ZNF341: variants seen among roughly 807,000 people sequenced by gnomAD.
The protein encoded by ZNF341 is zinc finger protein 341.
Under a neutral mutation model 87.7 loss-of-function variants are expected in ZNF341, and 52 were observed. The ratio of observed to expected loss-of-function variants is 0.59; its 90% CI spans 0.47 to 0.75. The LOEUF (loss-of-function observed/expected upper bound fraction) is 0.75. Ranked by LOEUF, ZNF341 falls within the 30% of genes least tolerant of loss-of-function variation. The pLI is 0.00. For missense variants in ZNF341, 977 were observed against 1,145.9 expected, an observed-to-expected ratio of 0.85 and a Z score of 2.13; for synonymous variants, 459 against 472.7, an observed-to-expected ratio of 0.97 and a Z score of 0.38.
At chr20:33,738,638 G>A (rs2018742244) in intron 1 of ZNF341, among the ~76,000 whole-genome samples, 2 of 152,328 alleles carry the variant, frequency 1.3e-5, no homozygotes, top group African/African-American at 4.8e-5. Context: ...ATAGTGGAGG[G>A]CTTAAGTCCC....
intron 1 of ZNF341, among the ~76,000 whole-genome samples, chr20:33,736,559 G>A (rs2018689166): frequency 6.6e-6 from 1 of 151,964 alleles, no homozygotes; most frequent in Non-Finnish European, 1.5e-5. Flanking sequence ...GCATGATCTT[G>A]GCTCACTGCA....
chr20:33,740,793 C>T, intron 1 of ZNF341, 109 bp from the exon 2 acceptor site: 1 of 910,690 alleles, frequency 1.1e-6, no homozygotes. Context: ...CAGGTCTGAG[C>T]CACCGTACCC....
At chr20:33,751,473 A>G (rs2019053862) in intron 4 of ZNF341, among the ~76,000 whole-genome samples, 1 of 152,120 alleles carries the variant, frequency 6.6e-6, no homozygotes, top group Non-Finnish European at 1.5e-5. Flanking sequence ...TGCACAAAAC[A>G]CACTTCTTCC....
At chr20:33,767,082 C>T (rs371086701) in intron 9 of ZNF341, 41 bp downstream of exon 9, 57 of 1,578,892 alleles carry the variant, frequency 3.6e-5, no homozygotes, top group South Asian at 2.2e-4. Flanking sequence ...CCACACCAGT[C>T]GAAACCTTTC....
At chr20:33,758,211 G>A (rs1327108346) in intron 6 of ZNF341, among the ~76,000 whole-genome samples, 7 of 152,178 alleles carry the variant, frequency 4.6e-5, no homozygotes, top group Admixed American at 3.9e-4. Flanking sequence ...TCTTATGATT[G>A]AGAATAACTA....
chr20:33,737,911 G>T (rs2018725204), intron 1 of ZNF341, among the ~76,000 whole-genome samples: 1 of 152,072 alleles, frequency 6.6e-6, no homozygotes, highest in Admixed American at 6.6e-5. Flanking sequence ...GTCAAGGCGG[G>T]CAGATCACCT....
intron 12 of ZNF341, among the ~76,000 whole-genome samples, chr20:33,785,294 T>C (rs1417229695): frequency 6.6e-6 from 1 of 152,190 alleles, no homozygotes; most frequent in African/African-American, 2.4e-5. Context: ...CAACAAAAGT[T>C]TTACAAAACA....
At chr20:33,764,414 A>G (rs1484318515) in intron 8 of ZNF341, among the ~76,000 whole-genome samples, 1 of 150,490 alleles carries the variant, frequency 6.6e-6, no homozygotes, top group East Asian at 1.9e-4. Context: ...TAGTAGCTAC[A>G]TTAAAAGCAA....
At chr20:33,786,993 A>G (rs1203060105) in intron 12 of ZNF341, 1 of 151,778 alleles carries the variant, frequency 6.6e-6, no homozygotes, top group Non-Finnish European at 1.5e-5. Context: ...AATACAAAAA[A>G]CGAAACAAAA....
At position 33,766,535 on chromosome 20, in the gene ZNF341, G is replaced by T. The variant is rs139419589; in HGVS notation, c.1223-316G>T. Among the ~76,000 whole-genome samples the T allele has an allele frequency of 2.7e-3, 418 of 152,282 alleles. 2 individuals carry two copies. Among genetic ancestry groups the T allele is most frequent in the African/African-American group, 9.7e-3 (403 of 41,576 alleles). ...GAAGAGGGGACTGGGGAGGCATTAG[G>T]AGTACAACTAGGATGGTGTTTAGAA... is the stretch of plus-strand genomic sequence containing the variant. On this transcript the variant is annotated intron_variant, in intron 8 of 14. Coordinates refer to ENST00000375200, the MANE Select transcript of ZNF341 (RefSeq NM_001282933.2).
chr20:33,769,198 T>G (rs1050892601), intron 9 of ZNF341, among the ~76,000 whole-genome samples: 6 of 152,118 alleles, frequency 3.9e-5, no homozygotes, highest in Non-Finnish European at 8.8e-5. Flanking sequence ...AGTAGCCACA[T>G]CCTGTAGAGA....
Position 33,750,930 on chromosome 20 carries a change from C to T in ZNF341, c.489+1858C>T, listed in dbSNP as rs376153185. 6.6e-5 allele frequency among the ~76,000 whole-genome samples: 10 copies of T among 151,886 alleles called. No homozygotes were observed. The East Asian group carries it at 9.7e-4, about 15-fold the overall frequency. ...TCCTGGGATTACAGGCGTGAGCCACCGTGCCTGGCCTAAAAAAATTTTTTT... is the reference window on the plus strand; with the variant it reads ...TCCTGGGATTACAGGCGTGAGCCACTGTGCCTGGCCTAAAAAAATTTTTTT... On this transcript the variant is annotated intron_variant, in intron 4 of 14. Coordinates refer to ENST00000375200, the MANE Select transcript of ZNF341 (RefSeq NM_001282933.2).
chr20:33,770,381 A>G (rs1384970833), intron 10 of ZNF341, 89 bp downstream of exon 10: 3 of 1,274,014 alleles, frequency 2.4e-6, no homozygotes, highest in Non-Finnish European at 3.3e-6. Context: ...CTGACTGCTT[A>G]GGACCAGTGA....
At chr20:33,776,949 C>T (rs2019639079) in intron 10 of ZNF341, among the ~76,000 whole-genome samples, 1 of 151,962 alleles carries the variant, frequency 6.6e-6, no homozygotes, top group East Asian at 1.9e-4. Context: ...CGTAAGCCAT[C>T]ACACCTGGCC....
chr20:33,770,270 A>G lies in ZNF341; in HGVS notation c.1600A>G (p.Lys534Glu), dbSNP rs2122705639. ...SHSLLPQHSP[K>E]KDNAVYKCVK... Reference sequence around the variant, plus strand: ...CAGCCTCCTGCCACAGCACAGCCCCAAGAAGGACAATGCCGTCTACAAGTA... The same window carrying G: ...CAGCCTCCTGCCACAGCACAGCCCCGAGAAGGACAATGCCGTCTACAAGTA... Residue 534 changes from lysine to glutamate, a missense_variant, in exon 10 of 15, where the codon AAG becomes GAG. This residue lies in a region of ZNF341 where 241 missense variants were observed against 335.0 expected (regional missense o/e 0.72). Coordinates refer to ENST00000375200, the MANE Select transcript of ZNF341 (RefSeq NM_001282933.2). 1.0e-5 allele frequency: 16 copies of G among 1,606,630 alleles called. No homozygotes were observed. Among genetic ancestry groups the G allele is most frequent in the Non-Finnish European group, 1.4e-5 (16 of 1,175,392 alleles).
chr20:33,739,741 G>C (rs975319062), intron 1 of ZNF341, among the ~76,000 whole-genome samples: 1 of 152,230 alleles, frequency 6.6e-6, no homozygotes, highest in African/African-American at 2.4e-5. Flanking sequence ...GAGTAAGACA[G>C]GCCCCACGTC....
intron 7 of ZNF341, among the ~76,000 whole-genome samples, chr20:33,759,540 T>C (rs2019251064): frequency 6.6e-6 from 1 of 152,170 alleles, no homozygotes; most frequent in Admixed American, 6.6e-5. Context: ...CGCCTCGGCC[T>C]CCCAAAGTAC....
intron 5 of ZNF341, among the ~76,000 whole-genome samples, chr20:33,755,261 A>G (rs1371624741): frequency 6.7e-6 from 1 of 149,706 alleles, no homozygotes; most frequent in Non-Finnish European, 1.5e-5. Flanking sequence ...GTATTTATTG[A>G]GTGCTGTATT....
intron 12 of ZNF341, 166 bp from the exon 13 acceptor site, chr20:33,788,697 G>C: frequency 1.4e-6 from 1 of 691,858 alleles, no homozygotes; most frequent in Non-Finnish European, 2.7e-6. Context: ...AAATAGCCCT[G>C]TCTTGTCTCT....
Sources: allele counts gnomAD v4.1 joint callset (sites outside exome capture counted in the v4.1 genomes callset), GRCh38; gene constraint gnomAD v4.1.1; regional missense constraint gnomAD v4.1.1; transcripts MANE v1.5; gene names NCBI Gene and HGNC (gene_info 2026-07-23, HGNC 2026-07-21).